PCDHGA5: variants seen among roughly 807,000 people sequenced by gnomAD.
PCDHGA5 encodes protocadherin gamma subfamily A, 5.
PCDHGA5 carries 36 observed loss-of-function variants against 56.7 expected under a neutral mutation model. That is an observed-to-expected ratio of 0.64 (90% CI 0.49 to 0.84). PCDHGA5 has a LOEUF of 0.84. PCDHGA5 is among the 40% of genes least tolerant of loss of function. The pLI is 0.00. For synonymous variants in PCDHGA5, 563 were observed against 520.2 expected (o/e 1.08, Z -1.12); for missense variants, 1,305 against 1,201.5 (o/e 1.09, Z -1.27).
At chr5:141,399,847 G>T (rs746731144) in intron 1 of PCDHGA5, 19 of 1,612,874 alleles carry the variant, frequency 1.2e-5, no homozygotes, top group Middle Eastern at 1.7e-4. Flanking sequence ...CTTCGATATG[G>T]TGCCGCGCGC....
chr5:141,375,700 C>T (rs746996990), intron 1 of PCDHGA5: 9 of 1,614,270 alleles, frequency 5.6e-6, no homozygotes, highest in Middle Eastern at 3.3e-4. Flanking sequence ...ACAGCGGGGA[C>T]CCGCCTCTTA....
chr5:141,382,534 T>G (rs1284471897), intron 1 of PCDHGA5, among the ~76,000 whole-genome samples: 1 of 152,218 alleles, frequency 6.6e-6, no homozygotes, highest in Non-Finnish European at 1.5e-5. Context: ...TAAAATGGAT[T>G]TTTAATTATC....
chr5:141,492,870 C>G (rs2099744684), intron 1 of PCDHGA5, among the ~76,000 whole-genome samples: 1 of 152,192 alleles, frequency 6.6e-6, no homozygotes, highest in African/African-American at 2.4e-5. Flanking sequence ...TGGCTCTCAA[C>G]CCCCAGAGAT....
chr5:141,477,532 C>A lies in PCDHGA5; in HGVS notation c.2422-17275C>A. 6.2e-7 allele frequency: 1 copy of A among 1,614,146 alleles called. No individual in the cohort carries two copies. The highest frequency in any genetic ancestry group is 8.5e-7 in the Non-Finnish European group (1 of 1,180,028). ...TTTACATTGAAGAAAACAACCTCCC[C>A]GGGGCTCCAATACTAAACCTAAGTG... On this transcript the variant is annotated intron_variant, in intron 1 of 3. Coordinates refer to ENST00000518069, the MANE Select transcript of PCDHGA5 (RefSeq NM_018918.3). The surrounding 1 kb of genome is among the most constrained non-coding windows in gnomAD (Gnocchi z 4.9).
At chr5:141,419,807 G>A in intron 1 of PCDHGA5, 2 of 1,614,074 alleles carry the variant, frequency 1.2e-6, no homozygotes, top group South Asian at 1.1e-5. Flanking sequence ...AAGAGATGGA[G>A]GACAGCCACC....
In PCDHGA5 at chr5:141,364,802, C is replaced by A. The variant is rs1312102403; in HGVS notation, c.472C>A (p.Arg158=). Residue 158 remains arginine (R), a synonymous_variant, in exon 1 of 4, where the codon CGG becomes AGG. Transcript: ENST00000518069. ...GACACGGTTAGTGCTTCCCTTCGCG[C>A]GGGATGCGGATGTGGGTGTGAACTC... ...AGTRLVLPFA[R]DADVGVNSLR... 11 of 1,613,888 alleles carry A rather than the reference C, an allele frequency of 6.8e-6. No homozygotes were observed. The highest frequency in any genetic ancestry group is 5.3e-5 in the African/African-American group (4 of 74,936).
At chr5:141,385,492 A>T in intron 1 of PCDHGA5, 15 of 1,394,884 alleles carry the variant, frequency 1.1e-5, no homozygotes, top group Non-Finnish European at 1.4e-5. Flanking sequence ...AACACATAGG[A>T]TATAGTATTT....
intron 1 of PCDHGA5, among the ~76,000 whole-genome samples, chr5:141,381,616 A>G (rs187813287): frequency 6.6e-6 from 1 of 152,230 alleles, no homozygotes; most frequent in Non-Finnish European, 1.5e-5. Context: ...ACAGCCCAGT[A>G]GGATCTCTGC....
chr5:141,467,055 C>CTTTTT (rs1193465269), intron 1 of PCDHGA5, among the ~76,000 whole-genome samples: 1 of 134,496 alleles, frequency 7.4e-6, no homozygotes, highest in Non-Finnish European at 1.6e-5. Context: ...TCAATGTTTT[C>CTTTTT]TTTTTTTTTT....
intron 1 of PCDHGA5, chr5:141,378,008 G>C (rs1168840541): frequency 6.6e-6 from 1 of 152,090 alleles, no homozygotes; most frequent in Non-Finnish European, 1.5e-5. Context: ...GCTCAAATAA[G>C]CTCTACTTAT....
At chr5:141,404,759 T>G (rs1466446291) in intron 1 of PCDHGA5, 1 of 1,613,632 alleles carries the variant, frequency 6.2e-7, no homozygotes, top group Admixed American at 1.7e-5. Flanking sequence ...CCAGAATGCT[T>G]GGCTCTCCTA....
Position 141,410,849 on chromosome 5 carries a change from C to CTTTTTTTTT in PCDHGA5, c.2421+44112_2421+44120dup, listed in dbSNP as rs759346998. 1.7e-3 allele frequency: 239 copies of CTTTTTTTTT among 138,144 alleles called. 16 individuals are homozygous for CTTTTTTTTT. Among genetic ancestry groups the CTTTTTTTTT allele is most frequent in the African/African-American group, 4.5e-3 (75 of 16,616 alleles). 8.6% of individuals were successfully genotyped at this position (138,144 alleles called of 1,614,324 possible). On this transcript the variant is annotated intron_variant, in intron 1 of 3. Coordinates refer to ENST00000518069, the MANE Select transcript of PCDHGA5 (RefSeq NM_018918.3). ...CAGACTGAAGATATTTTGTCTTTGT[C>CTTTTTTTTT]TTTTTTTTTTTTTTTTTTTTTTGAG...
rs1453338344 is a variant in PCDHGA5, at chr5:141,364,378, C to T, written c.48C>T (p.Pro16=). The T allele has an allele frequency of 1.3e-6, 2 of 1,578,948 alleles. No homozygotes were observed. The highest frequency in any genetic ancestry group is 1.9e-5 in the Admixed American group (1 of 53,794). Residue 16 remains proline, a synonymous_variant, in exon 1 of 4, where the codon CCC becomes CCT. Transcript: ENST00000518069. ...RGWGCGELLL[P]FMLLGTLCEP... ...GGGGCTGCGGAGAGCTGCTGCTGCC[C>T]TTCATGCTCCTGGGGACGCTGTGCG...
intron 1 of PCDHGA5, chr5:141,410,703 C>G (rs763776263): frequency 1.1e-5 from 16 of 1,467,494 alleles, no homozygotes; most frequent in Non-Finnish European, 9.1e-7. Flanking sequence ...ATTTTCATAT[C>G]TAGAATCATA....
At chr5:141,371,563 T>C in intron 1 of PCDHGA5, 2 of 1,613,806 alleles carry the variant, frequency 1.2e-6, no homozygotes, top group Non-Finnish European at 1.7e-6. Flanking sequence ...AAAGGAAACT[T>C]CCCCTTTAAA....
intron 1 of PCDHGA5, chr5:141,375,845 G>C (rs1308593204): frequency 6.2e-7 from 1 of 1,614,076 alleles, no homozygotes; most frequent in East Asian, 2.2e-5. Flanking sequence ...CGGCTACCTG[G>C]TGACCAAGGT....
At chr5:141,505,323 G>C in intron 2 of PCDHGA5, 70 bp from the exon 3 acceptor site, 1 of 1,606,758 alleles carries the variant, frequency 6.2e-7, no homozygotes, top group South Asian at 1.1e-5. Flanking sequence ...GGGAGCCCTG[G>C]GAGAGGACAG....
intron 1 of PCDHGA5, chr5:141,404,106 C>G: frequency 1.2e-6 from 2 of 1,613,428 alleles, no homozygotes; most frequent in Non-Finnish European, 1.7e-6. Flanking sequence ...GTTGTCTGTT[C>G]TATCCAGGAG....
intron 1 of PCDHGA5, chr5:141,376,036 G>T: frequency 6.2e-7 from 1 of 1,613,116 alleles, no homozygotes; most frequent in Non-Finnish European, 8.5e-7. Context: ...ACCACGGCCA[G>T]CCCCCTCTCT....
Sources: allele counts gnomAD v4.1 joint callset (sites outside exome capture counted in the v4.1 genomes callset), GRCh38; gene constraint gnomAD v4.1.1; non-coding constraint Gnocchi (gnomAD v3.1); transcripts MANE v1.5; gene names NCBI Gene and HGNC (gene_info 2026-07-23, HGNC 2026-07-21).